The following BICD1 variants were observed in gnomAD, a reference collection of about 807,000 sequenced individuals.
BICD1 encodes BICD cargo adaptor 1.
Under a neutral mutation model 92.5 loss-of-function variants are expected in BICD1, and 35 were observed. The observed-to-expected ratio is 0.38, with a 90% CI of 0.29 to 0.50. BICD1 has a LOEUF of 0.50. Among genes scored for constraint, BICD1 ranks in the 20% least tolerant of loss-of-function variants. The pLI is 0.93. For missense variants in BICD1, 950 were observed against 1,189.8 expected (o/e 0.80, Z 2.97); for synonymous variants, 429 against 465.1 (o/e 0.92, Z 1.00).
In BICD1 at chr12:32,148,945, G is replaced by A. The variant is rs142739148; in HGVS notation, c.213+41401G>A. Among the ~76,000 whole-genome samples, 1,093 of 151,958 alleles carry A rather than the reference G, an allele frequency of 7.2e-3. 13 individuals are homozygous for A. The highest frequency in any genetic ancestry group is 0.024 in the African/African-American group (1,011 of 41,458). ...TAAGGCACGAGAATCACTTGAACCC[G>A]GGAGGTAGAGGTTACAGTGAGCCGA... is the stretch of plus-strand genomic sequence containing the variant. On this transcript the variant is annotated intron_variant, in intron 1 of 9. Coordinates refer to ENST00000652176, the MANE Select transcript of BICD1 (RefSeq NM_001714.4).
At chr12:32,108,020 A>C in intron 1 of BICD1, 2 of 326,580 alleles carry the variant, frequency 6.1e-6, no homozygotes, top group South Asian at 3.6e-5. Context: ...GAGAGAGGGA[A>C]CTCCTCACCA....
At position 32,294,022 on chromosome 12, in the gene BICD1, T is replaced by A; in HGVS notation, c.455T>A (p.Ile152Lys). 1 of 1,613,572 alleles carries A rather than the reference T, an allele frequency of 6.2e-7. No homozygotes were observed. The highest frequency in any genetic ancestry group is 8.5e-7 in the Non-Finnish European group (1 of 1,179,860). Reference protein sequence around the residue: ...ENNEMVELQRIRMKDEIREYK... With the variant: ...ENNEMVELQRKRMKDEIREYK... ...AATGAGATGGTGGAGCTACAGAGAA[T>A]ACGGATGAAGGATGAAATCCGAGAA... The change falls in exon 3 of 10, where the codon ATA (isoleucine) becomes AAA (lysine). Residue 152 changes from isoleucine (I) to lysine (K), a missense_variant. Ile to Lys is a moderately radical substitution (Grantham distance 102, BLOSUM62 -3). Coordinates refer to ENST00000652176, the MANE Select transcript of BICD1 (RefSeq NM_001714.4).
intron 1 of BICD1, among the ~76,000 whole-genome samples, chr12:32,125,238 C>T (rs1002217074): frequency 6.6e-6 from 1 of 152,156 alleles, no homozygotes; most frequent in African/African-American, 2.4e-5. Context: ...GCCCCTGATG[C>T]CCTGCAGTCT....
At chr12:32,144,139 T>C (rs760622722) in intron 1 of BICD1, among the ~76,000 whole-genome samples, 2 of 152,220 alleles carry the variant, frequency 1.3e-5, no homozygotes, top group Non-Finnish European at 2.9e-5. Flanking sequence ...AATTTATTAA[T>C]TTTTCTCTTT....
intron 2 of BICD1, chr12:32,228,011 G>T: frequency 4.1e-6 from 1 of 243,704 alleles, no homozygotes. Flanking sequence ...TAAGGTAGAC[G>T]ATGCCTTTCT....
At chr12:32,366,435 T>C (rs1939527441) in intron 8 of BICD1, among the ~76,000 whole-genome samples, 1 of 152,226 alleles carries the variant, frequency 6.6e-6, no homozygotes, top group African/African-American at 2.4e-5. Context: ...GCCTGACCAA[T>C]ATGGTGAAAC....
intron 8 of BICD1, among the ~76,000 whole-genome samples, chr12:32,360,621 T>G (rs993871748): frequency 2.7e-4 from 41 of 152,144 alleles, no homozygotes; most frequent in African/African-American, 9.7e-4. Context: ...GGGCAAGCAA[T>G]TAACCAGGCA....
At chr12:32,351,364 T>C (rs1027379584) in intron 8 of BICD1, among the ~76,000 whole-genome samples, 9 of 151,278 alleles carry the variant, frequency 5.9e-5, no homozygotes, top group African/African-American at 1.9e-4. Flanking sequence ...CGCACGCCTG[T>C]AATTTCAGCT....
intron 1 of BICD1, among the ~76,000 whole-genome samples, chr12:32,203,633 A>C (rs922441808): frequency 1.3e-5 from 2 of 152,186 alleles, no homozygotes; most frequent in African/African-American, 4.8e-5. Context: ...AGGTTGCAGG[A>C]GGGGAGCTAA....
rs1224334724 is a variant in BICD1, at chr12:32,117,592, G to A, written c.213+10048G>A. Among the ~76,000 whole-genome samples, 3 of 151,342 alleles carry A rather than the reference G, an allele frequency of 2.0e-5. No homozygotes were observed. The East Asian group carries it at 5.8e-4, about 29-fold the overall frequency. ...TTTGAAGCTACGTGGTTGCATTGAGGGAGGTCTACAGCCTCCAGAATCTTC... is the reference window on the plus strand; with the variant it reads ...TTTGAAGCTACGTGGTTGCATTGAGAGAGGTCTACAGCCTCCAGAATCTTC... On this transcript the variant is annotated intron_variant, in intron 1 of 9. Coordinates refer to ENST00000652176, the MANE Select transcript of BICD1 (RefSeq NM_001714.4).
Position 32,294,059 on chromosome 12 carries a change from G to A in BICD1, c.492G>A (p.Arg164=). Residue 164 remains arginine, a synonymous_variant, in exon 3 of 10, where the codon CGG becomes CGA. Coordinates refer to ENST00000652176, the MANE Select transcript of BICD1 (RefSeq NM_001714.4). ...MKDEIREYKF[R]EARLLQDYTE... is the part of the protein sequence containing the mutation. The stretch of plus-strand genomic sequence containing the variant: ...ATGAAATCCGAGAATATAAGTTCCG[G>A]GAGGCACGGCTCCTTCAGGACTATA... The A allele has an allele frequency of 6.2e-7, 1 of 1,612,864 alleles. No individual in the cohort carries two copies. The highest frequency in any genetic ancestry group is 1.7e-5 in the Admixed American group (1 of 59,660).
chr12:32,216,765 C>A (rs1470201759), intron 2 of BICD1, among the ~76,000 whole-genome samples: 1 of 152,196 alleles, frequency 6.6e-6, no homozygotes, highest in Non-Finnish European at 1.5e-5. Flanking sequence ...TTCCTCCCTG[C>A]ATTAGCTGGT....
chr12:32,371,281 A>G (rs562611229), intron 9 of BICD1, among the ~76,000 whole-genome samples: 6 of 152,318 alleles, frequency 3.9e-5, no homozygotes, highest in Non-Finnish European at 7.4e-5. Context: ...ACGTAAAGAA[A>G]TGATTAAATG....
At chr12:32,300,251 G>A (rs1474786464) in intron 3 of BICD1, among the ~76,000 whole-genome samples, 5 of 151,926 alleles carry the variant, frequency 3.3e-5, no homozygotes, top group South Asian at 2.1e-4. Flanking sequence ...ACAGGCACCC[G>A]CCACCATGCC....
chr12:32,160,127 G>A (rs1943557708), intron 1 of BICD1, among the ~76,000 whole-genome samples: 1 of 152,158 alleles, frequency 6.6e-6, no homozygotes, highest in Non-Finnish European at 1.5e-5. Flanking sequence ...CACATACTTA[G>A]TATTCAGCAA....
chr12:32,120,618 T>C (rs1203456137), intron 1 of BICD1, among the ~76,000 whole-genome samples: 4 of 152,082 alleles, frequency 2.6e-5, no homozygotes, highest in Non-Finnish European at 5.9e-5. Context: ...TGCTAGATGG[T>C]TTTAGGAGAT....
Position 32,156,119 on chromosome 12 carries a change from C to A in BICD1, c.213+48575C>A, listed in dbSNP as rs371176563. 3.9e-5 allele frequency among the ~76,000 whole-genome samples: 6 copies of A among 152,242 alleles called. No homozygotes were observed. In the South Asian group the frequency reaches 1.0e-3, roughly 26 times the overall value. ...CTGGAAATGAAGTAGCAGCTCTTGT[C>A]AGTCTGTGACAGGAGTGGATTATCA... On this transcript the variant is annotated intron_variant, in intron 1 of 9. Transcript: ENST00000652176.
At chr12:32,318,854 G>C (rs77680879) in intron 4 of BICD1, among the ~76,000 whole-genome samples, 35,640 of 151,550 alleles carry the variant, frequency 0.24, 4,376 homozygotes, top group South Asian at 0.33. Context: ...AACTCCATCT[G>C]AAAAAAAAAT....
chr12:32,296,578 G>A (rs1239433450), intron 3 of BICD1, among the ~76,000 whole-genome samples: 1 of 151,952 alleles, frequency 6.6e-6, no homozygotes, highest in Non-Finnish European at 1.5e-5. Flanking sequence ...TTTTCTTGTG[G>A]TCCTTTTTTT....
Sources: allele counts gnomAD v4.1 joint callset (sites outside exome capture counted in the v4.1 genomes callset), GRCh38; gene constraint gnomAD v4.1.1; transcripts MANE v1.5; gene names NCBI Gene and HGNC (gene_info 2026-07-23, HGNC 2026-07-21).